Variants in ST3GAL6 observed in about 807,000 individuals in gnomAD.
The protein encoded by ST3GAL6 is type 2 lactosamine alpha-2,3-sialyltransferase.
Under a neutral mutation model 40.5 loss-of-function variants are expected in ST3GAL6, and 31 were observed. That is an observed-to-expected ratio of 0.77 (90% CI 0.58 to 1.03). ST3GAL6 has a LOEUF of 1.03. Ranked by LOEUF, ST3GAL6 falls within the 50% of genes least tolerant of loss-of-function variation. The pLI is 0.00. For synonymous variants in ST3GAL6, 129 were observed against 136.9 expected, an observed-to-expected ratio of 0.94 and a Z score of 0.40; for missense variants, 357 against 393.2, an observed-to-expected ratio of 0.91 and a Z score of 0.78.
At chr3:98,759,161 A>G (rs1164681351), upstream of ST3GAL6, among the ~76,000 whole-genome samples, 2 of 152,244 alleles carry the variant, frequency 1.3e-5, no homozygotes, top group Admixed American at 1.3e-4. Flanking sequence ...ATTTTATGCC[A>G]AGTACAGCGT....
At chr3:98,767,399 G>A (rs1200797461) in intron 1 of ST3GAL6, among the ~76,000 whole-genome samples, 1 of 152,172 alleles carries the variant, frequency 6.6e-6, no homozygotes, top group Non-Finnish European at 1.5e-5. Flanking sequence ...TAAAAAGAAG[G>A]CAATGCCATA....
chr3:98,765,094 G>A (rs777679208), intron 1 of ST3GAL6, among the ~76,000 whole-genome samples: 2 of 152,148 alleles, frequency 1.3e-5, no homozygotes, highest in Non-Finnish European at 2.9e-5. Flanking sequence ...ATTAAGTAGA[G>A]GCTCAGGAGT....
At chr3:98,771,638 CTT>C (rs1939001135) in intron 3 of ST3GAL6, among the ~76,000 whole-genome samples, 1 of 152,016 alleles carries the variant, frequency 6.6e-6, no homozygotes, top group African/African-American at 2.4e-5. Context: ...TTCCTATTGT[CTT>C]TTATTACTGC....
chr3:98,741,487 G>A (rs547518463), intron 1 of ST3GAL6, among the ~76,000 whole-genome samples: 106 of 152,184 alleles, frequency 7.0e-4, no homozygotes, highest in Non-Finnish European at 9.6e-4. Flanking sequence ...GACCAAAGGC[G>A]CTGAGACATG....
At chr3:98,759,697 C>T (rs148054477), upstream of ST3GAL6, among the ~76,000 whole-genome samples, 15 of 152,106 alleles carry the variant, frequency 9.9e-5, no homozygotes, top group East Asian at 2.5e-3. Context: ...CCAACTCTTG[C>T]GGTCTTCCCA....
intron 1 of ST3GAL6, among the ~76,000 whole-genome samples, chr3:98,743,618 A>T (rs1283364070): frequency 6.6e-6 from 1 of 152,190 alleles, no homozygotes; most frequent in Non-Finnish European, 1.5e-5. Flanking sequence ...TAGTTCAATA[A>T]ATTTCCTTAC....
intron 6 of ST3GAL6, among the ~76,000 whole-genome samples, chr3:98,786,559 G>T (rs1330720569): frequency 6.6e-6 from 1 of 152,222 alleles, no homozygotes; most frequent in African/African-American, 2.4e-5. Context: ...GTCGAAGAGG[G>T]AATGCAGAGA....
rs899371809 is a variant in ST3GAL6, at chr3:98,747,888, G to A, written c.-12+15356G>A. The stretch of plus-strand genomic sequence containing the variant: ...ATGTATCAAATCCATGATACTGGGA[G>A]GAGAGGAATGGGGGTAGGGAAGGGA... On this transcript the variant is annotated intron_variant, in intron 1 of 9. Coordinates refer to the ST3GAL6 transcript ENST00000265261. Among the ~76,000 whole-genome samples the A allele has an allele frequency of 2.6e-5, 4 of 152,258 alleles. No individual in the cohort carries two copies. In the East Asian group the frequency reaches 7.7e-4, roughly 29 times the overall value.
intron 8 of ST3GAL6, 137 bp downstream of exon 8, chr3:98,788,600 A>G (rs1940951692): frequency 2.8e-6 from 2 of 708,994 alleles, no homozygotes; most frequent in Non-Finnish European, 4.4e-6. Context: ...AGTTAGTAAA[A>G]GTAGTTATCT....
intron 1 of ST3GAL6, among the ~76,000 whole-genome samples, chr3:98,743,323 ATT>A (rs950588995): frequency 6.8e-6 from 1 of 146,584 alleles, no homozygotes. Flanking sequence ...GCCTGGCCCA[ATT>A]TTTTTTTTTT....
intron 1 of ST3GAL6, among the ~76,000 whole-genome samples, chr3:98,735,800 G>A (rs1274156110): frequency 6.9e-6 from 1 of 145,776 alleles, no homozygotes; most frequent in Non-Finnish European, 1.5e-5. Context: ...TGTATACATT[G>A]GATATTATAG....
At chr3:98,737,141 T>A (rs1417532999) in intron 1 of ST3GAL6, among the ~76,000 whole-genome samples, 1 of 152,132 alleles carries the variant, frequency 6.6e-6, no homozygotes, top group East Asian at 1.9e-4. Flanking sequence ...CTCTGCCTCC[T>A]GAATTTAAGT....
At chr3:98,774,062 A>G (rs1234692057) in intron 5 of ST3GAL6, 79 bp downstream of exon 5, 1 of 1,208,582 alleles carries the variant, frequency 8.3e-7, no homozygotes, top group East Asian at 2.4e-5. Context: ...AAGAAATGTA[A>G]GATGTATTTA....
intron 5 of ST3GAL6, chr3:98,783,804 G>A: frequency 2.4e-6 from 1 of 423,248 alleles, no homozygotes; most frequent in Non-Finnish European, 3.2e-6. Flanking sequence ...ATATTTGAGA[G>A]CATAGAGCTT....
intron 9 of ST3GAL6, among the ~76,000 whole-genome samples, chr3:98,792,641 G>T (rs73136060): frequency 0.17 from 25,947 of 149,824 alleles, 2,423 homozygotes; most frequent in African/African-American, 0.25. Context: ...CTAGTTTCTG[G>T]GATAACAGGC....
chr3:98,787,946 T>G, intron 6 of ST3GAL6, 90 bp from the exon 7 acceptor site: 1 of 1,192,326 alleles, frequency 8.4e-7, no homozygotes, highest in South Asian at 1.6e-5. Flanking sequence ...AAGGCTGATG[T>G]TTGTCCAACT....
chr3:98,766,744 C>A (rs1938396959), intron 1 of ST3GAL6, among the ~76,000 whole-genome samples: 1 of 152,082 alleles, frequency 6.6e-6, no homozygotes, highest in Admixed American at 6.6e-5. Flanking sequence ...CTTAGTGGAG[C>A]CTTAAATGTT....
At chr3:98,738,530 G>A (rs758116819) in intron 1 of ST3GAL6, among the ~76,000 whole-genome samples, 9 of 152,052 alleles carry the variant, frequency 5.9e-5, no homozygotes, top group Non-Finnish European at 1.2e-4. Flanking sequence ...CTCCTGCCTC[G>A]GCCTCCCAAA....
chr3:98,732,782 C>A, intron 1 of ST3GAL6: 1 of 1,348,256 alleles, frequency 7.4e-7, no homozygotes, highest in Non-Finnish European at 9.8e-7. Flanking sequence ...GCCAGATCCG[C>A]GGGGAAGGAA....
Sources: gnomAD v4.1 joint callset for allele counts (sites outside exome capture counted in the v4.1 genomes callset) on GRCh38, gnomAD v4.1.1 for gene constraint, MANE v1.5 for transcripts, NCBI Gene and HGNC (gene_info 2026-07-23, HGNC 2026-07-21) for gene names.